The following MRTFB variants were observed in gnomAD, a reference collection of about 807,000 sequenced individuals.
MRTFB encodes myocardin-related transcription factor B.
A neutral mutation model predicts 104.2 loss-of-function variants in MRTFB; 29 were observed. The ratio of observed to expected loss-of-function variants is 0.28; its 90% CI spans 0.21 to 0.38. MRTFB has a LOEUF of 0.38. Among genes scored for constraint, MRTFB ranks in the 10% least tolerant of loss-of-function variants. MRTFB has a pLI of 1.00. For synonymous variants in MRTFB, 535 were observed against 519.5 expected, an observed-to-expected ratio of 1.03 and a Z score of -0.41; for missense variants, 1,270 against 1,341.6, an observed-to-expected ratio of 0.95 and a Z score of 0.83.
At chr16:14,051,471 A>G in the MRTFB span, among the ~76,000 whole-genome samples, 1 of 152,026 alleles carries the variant, frequency 6.6e-6, no homozygotes, top group African/African-American at 2.4e-5. Flanking sequence ...ATACAAATAC[A>G]CACATACACA....
the MRTFB span, among the ~76,000 whole-genome samples, chr16:14,063,347 C>T: frequency 2.0e-5 from 3 of 152,292 alleles, no homozygotes. Flanking sequence ...ATGCCCAAAT[C>T]ACATAATCTA....
In MRTFB at chr16:14,233,654, G is replaced by A. The variant is rs116116088; in HGVS notation, c.694-492G>A. 1.1e-4 allele frequency among the ~76,000 whole-genome samples: 16 copies of A among 152,016 alleles called. No individual in the cohort carries two copies. The East Asian group carries it at 2.7e-3, about 26-fold the overall frequency. On this transcript the variant is annotated intron_variant, in intron 8 of 16. Transcript: ENST00000571589. Reference sequence around the variant, plus strand: ...AAAATACAAAAACTAGCGGAGTGTGGTGGTACATGCCTGTAGTTCCAGATA... The same window carrying A: ...AAAATACAAAAACTAGCGGAGTGTGATGGTACATGCCTGTAGTTCCAGATA...
At chr16:14,052,032 A>G in the MRTFB span, among the ~76,000 whole-genome samples, 3 of 152,210 alleles carry the variant, frequency 2.0e-5, no homozygotes, top group Admixed American at 6.5e-5. Context: ...AAAGACCAGC[A>G]GAGAGACTGA....
chr16:14,212,320 A>C (rs377509861), intron 4 of MRTFB, 34 bp from the exon 5 acceptor site: 242 of 1,603,870 alleles, frequency 1.5e-4, no homozygotes, highest in Non-Finnish European at 1.9e-4. Flanking sequence ...TATGAACTCT[A>C]TTTATACTGT....
At chr16:14,171,389 G>A (rs1438855092) in intron 3 of MRTFB, among the ~76,000 whole-genome samples, 1 of 152,076 alleles carries the variant, frequency 6.6e-6, no homozygotes, top group Non-Finnish European at 1.5e-5. Context: ...CAGCTACTCG[G>A]GATGCTGAGG....
intron 2 of MRTFB, among the ~76,000 whole-genome samples, chr16:14,100,601 G>C (rs2035644351): frequency 6.6e-6 from 1 of 152,112 alleles, no homozygotes; most frequent in Non-Finnish European, 1.5e-5. Flanking sequence ...AACAAGATGG[G>C]GAGGATTTTC....
chr16:14,130,205 T>A (rs948964680), intron 2 of MRTFB, among the ~76,000 whole-genome samples: 1 of 152,192 alleles, frequency 6.6e-6, no homozygotes, highest in African/African-American at 2.4e-5. Flanking sequence ...ATATTCTGGA[T>A]ACAAGTCCTT....
At chr16:14,140,911 CA>C in intron 3 of MRTFB, 151 bp downstream of exon 3, 1 of 667,168 alleles carries the variant, frequency 1.5e-6, no homozygotes, top group South Asian at 2.6e-5. Context: ...TTTTTAATAA[CA>C]GGCAGAATTT....
chr16:14,081,578 C>T (rs573244694), intron 2 of MRTFB, among the ~76,000 whole-genome samples: 1 of 151,988 alleles, frequency 6.6e-6, no homozygotes, highest in East Asian at 1.9e-4. Flanking sequence ...AGGCATGAGC[C>T]ACTGCACCCG....
At position 14,243,437 on chromosome 16, in the gene MRTFB, T is replaced by G. The variant is rs148435240; in HGVS notation, c.1080-2091T>G. Among the ~76,000 whole-genome samples the G allele has an allele frequency of 1.2e-4, 18 of 152,298 alleles. 1 individual carries two copies. The highest frequency in any genetic ancestry group is 7.8e-4 in the Admixed American group (12 of 15,298). ...CTGTTTCAGAATGTGGAATTCCAAG[T>G]CTCTTGGCTTCAGCACCAAGGCTTT... On this transcript the variant is annotated intron_variant, in intron 10 of 16. Transcript: ENST00000571589.
At position 14,215,455 on chromosome 16, in the gene MRTFB, T is replaced by C. The variant is rs376719863; in HGVS notation, c.353-1671T>C. On this transcript the variant is annotated intron_variant, in intron 6 of 16. Coordinates refer to ENST00000571589, the MANE Select transcript of MRTFB (RefSeq NM_001308142.2). ...TAAACTTCAGCCTCAGTCATGGAGA[T>C]AGAGGAATAAGACCAGGAACAGAAA... Among the ~76,000 whole-genome samples the C allele has an allele frequency of 2.3e-3, 352 of 152,332 alleles. 1 individual carries two copies. Among genetic ancestry groups the C allele is most frequent in the African/African-American group, 7.2e-3 (301 of 41,584 alleles).
At chr16:14,017,711 A>ATATATATAT in the MRTFB span, among the ~76,000 whole-genome samples, 2 of 33,612 alleles carry the variant, frequency 6.0e-5, no homozygotes, top group African/African-American at 2.8e-4. Flanking sequence ...ATATATATAT[A>ATATATATAT]TTTTTTTTTT....
chr16:14,135,434 C>T (rs992471811), intron 2 of MRTFB, among the ~76,000 whole-genome samples: 3 of 152,198 alleles, frequency 2.0e-5, no homozygotes, highest in Non-Finnish European at 4.4e-5. Flanking sequence ...ATGCAGCATT[C>T]AGCACAGTAA....
At chr16:14,077,154 A>C (rs2034113062) in intron 1 of MRTFB, among the ~76,000 whole-genome samples, 1 of 152,162 alleles carries the variant, frequency 6.6e-6, no homozygotes, top group South Asian at 2.1e-4. Flanking sequence ...TTAATCTCTT[A>C]TGGTATCTGG....
intron 8 of MRTFB, among the ~76,000 whole-genome samples, chr16:14,221,481 A>G (rs184881058): frequency 4.6e-5 from 7 of 152,288 alleles, no homozygotes; most frequent in Non-Finnish European, 4.4e-5. Flanking sequence ...AACTGATTTA[A>G]TGCATGACAG....
At chr16:14,006,830 A>T in the MRTFB span, among the ~76,000 whole-genome samples, 6 of 152,254 alleles carry the variant, frequency 3.9e-5, no homozygotes, top group East Asian at 1.2e-3. Context: ...AGCCTGGGCA[A>T]CATAGCAAGA....
Position 14,177,360 on chromosome 16 carries a change from A to G in MRTFB, c.155-32883A>G, listed in dbSNP as rs1276380208. Among the ~76,000 whole-genome samples the G allele has an allele frequency of 1.3e-5, 2 of 152,224 alleles. No individual in the cohort carries two copies. The highest frequency in any genetic ancestry group is 1.5e-5 in the Non-Finnish European group (1 of 68,036). ...GCAGAGATGAATAAAATAGCATGGC[A>G]TGGTTTTTAAGTGCATTGTCCAGAG... On this transcript the variant is annotated intron_variant, in intron 3 of 16. Transcript: ENST00000571589. This position sits in a 1 kb window ranked among gnomAD's most constrained non-coding sequence, Gnocchi z 4.7.
chr16:14,004,572 A>G, the MRTFB span, among the ~76,000 whole-genome samples: 3 of 152,100 alleles, frequency 2.0e-5, no homozygotes, highest in Admixed American at 1.3e-4. Flanking sequence ...ACGGGGCCCC[A>G]TGGGGCTCTG....
At chr16:14,043,334 AC>A in the MRTFB span, among the ~76,000 whole-genome samples, 1 of 152,036 alleles carries the variant, frequency 6.6e-6, no homozygotes, top group Non-Finnish European at 1.5e-5. Context: ...GCTCTCAAGC[AC>A]CCATTTGTTC....
Sources: allele counts gnomAD v4.1 joint callset (sites outside exome capture counted in the v4.1 genomes callset), GRCh38; gene constraint gnomAD v4.1.1; non-coding constraint Gnocchi (gnomAD v3.1); transcripts MANE v1.5; gene names NCBI Gene and HGNC (gene_info 2026-07-23, HGNC 2026-07-21).